The following STRN variants were observed in gnomAD, a reference collection of about 807,000 sequenced individuals.
STRN encodes protein phosphatase 2 regulatory subunit B'''alpha.
In STRN, 53 loss-of-function variants were observed where a neutral mutation model predicts 96.3. That is an observed-to-expected ratio of 0.55 (90% confidence interval 0.44 to 0.69). STRN has a LOEUF of 0.69. Among genes scored for constraint, STRN ranks in the 30% least tolerant of loss-of-function variants. The probability of loss-of-function intolerance (pLI) is 0.00; values close to 1 mark genes in which losing one functional copy is unlikely to be tolerated. For missense variants in STRN, 987 were observed against 963.9 expected, an observed-to-expected ratio of 1.02 and a Z score of -0.32; for synonymous variants, 428 against 355.9, an observed-to-expected ratio of 1.20 and a Z score of -2.28.
At chr2:36,850,859 G>C (rs1410790943) in intron 16 of STRN, 141 bp downstream of exon 16, 8 of 575,566 alleles carry the variant, frequency 1.4e-5, no homozygotes, top group African/African-American at 7.6e-5. Context: ...AGAGTGAAGA[G>C]AAACTGAGAC....
rs1296302523 is a variant in STRN, at chr2:36,847,933, G to GT, written c.*1522dup. 3 of 152,138 alleles carry GT rather than the reference G, an allele frequency of 2.0e-5. No individual in the cohort carries two copies. The highest frequency in any genetic ancestry group is 7.2e-5 in the African/African-American group (3 of 41,444). 9.4% of individuals were successfully genotyped at this position (152,138 alleles called of 1,614,324 possible). On this transcript the variant is annotated 3_prime_UTR_variant, in exon 18 of 18. Coordinates refer to ENST00000263918, the MANE Select transcript of STRN (RefSeq NM_003162.4). ...TTAAAATCTAAGAGCCTATTTATAT[G>GT]TTTTTTGGTGGAAAGTTGGACGTTA...
At chr2:36,873,669 G>A (rs1668823422) in intron 10 of STRN, among the ~76,000 whole-genome samples, 1 of 152,114 alleles carries the variant, frequency 6.6e-6, no homozygotes, top group African/African-American at 2.4e-5. Flanking sequence ...ATTCGGCCAG[G>A]CGCGGTGGCT....
In STRN at chr2:36,869,626, G is replaced by T; in HGVS notation, c.1427C>A (p.Pro476His). The change falls in exon 11 of 18, where the codon CCT becomes CAT. Residue 476 changes from proline to histidine, a missense_variant. Pro to His is a moderately conservative substitution (Grantham distance 77, BLOSUM62 -2). Transcript: ENST00000263918. The stretch of plus-strand genomic sequence containing the variant: ...ATCCTCTGATGCTGTTATCAAAACA[G>T]GCTCAATGGGATGGAAAGCAAGGGC... ...IRALAFHPIE[P>H]VLITASEDHT... 2.5e-6 allele frequency: 4 copies of T among 1,612,564 alleles called. No homozygotes were observed. The highest frequency in any genetic ancestry group is 2.5e-6 in the Non-Finnish European group (3 of 1,179,270).
intron 1 of STRN, among the ~76,000 whole-genome samples, chr2:36,937,267 C>T (rs1223563915): frequency 3.4e-5 from 5 of 149,200 alleles, no homozygotes; most frequent in Non-Finnish European, 5.9e-5. Flanking sequence ...TCGCATGAAC[C>T]GGGGAGGTGG....
intron 1 of STRN, among the ~76,000 whole-genome samples, chr2:36,957,352 C>T (rs761834252): frequency 8.3e-4 from 127 of 152,246 alleles, no homozygotes; most frequent in Non-Finnish European, 3.1e-4. Flanking sequence ...CTTTGGGAGG[C>T]GGAGGCGGGC....
intron 1 of STRN, among the ~76,000 whole-genome samples, chr2:36,954,260 C>T (rs1161361512): frequency 2.0e-5 from 3 of 151,974 alleles, no homozygotes; most frequent in African/African-American, 4.8e-5. Flanking sequence ...CCTATAATCC[C>T]AGCACTGTGG....
intron 1 of STRN, among the ~76,000 whole-genome samples, chr2:36,932,138 C>T (rs1457761686): frequency 1.3e-5 from 2 of 151,692 alleles, no homozygotes; most frequent in Admixed American, 6.6e-5. Context: ...GTATTCTAAT[C>T]TGGTATTTAT....
intron 10 of STRN, among the ~76,000 whole-genome samples, chr2:36,877,656 C>A (rs1022942583): frequency 3.3e-5 from 5 of 151,276 alleles, no homozygotes; most frequent in Non-Finnish European, 5.9e-5. Context: ...CTGCCATAGC[C>A]CCCCTAGTAG....
chr2:36,918,782 A>G (rs139880124), intron 2 of STRN, among the ~76,000 whole-genome samples: 2 of 152,298 alleles, frequency 1.3e-5, no homozygotes, highest in African/African-American at 2.4e-5. Context: ...TTTTAAGTCA[A>G]TATGTGAAAA....
At chr2:36,953,647 C>T (rs963514381) in intron 1 of STRN, among the ~76,000 whole-genome samples, 62 of 152,138 alleles carry the variant, frequency 4.1e-4, no homozygotes, top group African/African-American at 1.4e-3. Context: ...CATGATCCAA[C>T]CACCTCGGCC....
intron 4 of STRN, among the ~76,000 whole-genome samples, chr2:36,904,688 C>A (rs1669772511): frequency 6.6e-6 from 1 of 152,060 alleles, no homozygotes; most frequent in Non-Finnish European, 1.5e-5. Context: ...ATGAGACAGG[C>A]ATAGAGGCAC....
chr2:36,943,689 A>G (rs879691723), intron 1 of STRN, among the ~76,000 whole-genome samples: 1 of 152,148 alleles, frequency 6.6e-6, no homozygotes, highest in Non-Finnish European at 1.5e-5. Context: ...CTGTAGTCCC[A>G]GCTACTGGGG....
At position 36,957,748 on chromosome 2, in the gene STRN, T is replaced by TTG. The variant is rs1553407231; in HGVS notation, c.234+8481_234+8482insCA. Among the ~76,000 whole-genome samples the TTG allele has an allele frequency of 3.3e-3, 247 of 75,864 alleles. 7 individuals are homozygous for TTG. Among genetic ancestry groups the TTG allele is most frequent in the Middle Eastern group, 0.023 (5 of 222 alleles). 49.8% of individuals were successfully genotyped at this position (75,864 alleles called of 152,430 possible). ...TCTCATAGTTCTTCTTTTTGTCTTT[T>TTG]TTTTTTTTTTTTTTTTTTTTTTTTG... On this transcript the variant is annotated intron_variant, in intron 1 of 17. Transcript: ENST00000263918.
At position 36,957,742 on chromosome 2, in the gene STRN, G is replaced by GTTTTTTTTTTTTT. The variant is rs1158709835; in HGVS notation, c.234+8487_234+8488insAAAAAAAAAAAAA. 2.2e-4 allele frequency among the ~76,000 whole-genome samples: 23 copies of GTTTTTTTTTTTTT among 103,080 alleles called. 2 individuals carry two copies. The highest frequency in any genetic ancestry group is 3.5e-4 in the African/African-American group (10 of 28,182). 67.6% of individuals were successfully genotyped at this position (103,080 alleles called of 152,430 possible). On this transcript the variant is annotated intron_variant, in intron 1 of 17. Coordinates refer to ENST00000263918, the MANE Select transcript of STRN (RefSeq NM_003162.4). ...GATTAGTCTCATAGTTCTTCTTTTT[G>GTTTTTTTTTTTTT]TCTTTTTTTTTTTTTTTTTTTTTTT...
rs576858194 is a variant in STRN at position 36,841,612 on chromosome 2, T to C, written c.*7844A>G. The C allele has an allele frequency of 6.6e-6, 1 of 152,358 alleles. No individual in the cohort carries two copies. Among genetic ancestry groups the C allele is most frequent in the South Asian group, 2.1e-4 (1 of 4,830 alleles). The allele number at this position is 152,358 out of a possible 1,614,324, so 9.4% of individuals were successfully genotyped here. A position where few individuals can be genotyped will look rare whatever the true frequency, so the allele number is the denominator to read the frequency against. On this transcript the variant is annotated 3_prime_UTR_variant, in exon 18 of 18. Transcript: ENST00000263918. The stretch of plus-strand genomic sequence containing the variant: ...ACTCACTCTGTAAAAACGATTCTCA[T>C]ATTTTTTCATGAGATTATCACTTGG...
chr2:36,866,913 G>C (rs902894080), intron 12 of STRN, among the ~76,000 whole-genome samples: 6 of 152,124 alleles, frequency 3.9e-5, no homozygotes, highest in African/African-American at 1.4e-4. Context: ...GAGCCTATGG[G>C]TGTTACTGCA....
intron 10 of STRN, among the ~76,000 whole-genome samples, chr2:36,871,137 A>G (rs1240544861): frequency 6.6e-6 from 1 of 152,206 alleles, no homozygotes; most frequent in African/African-American, 2.4e-5. Flanking sequence ...TATAGTAAGC[A>G]AAGTCTAATT....
At chr2:36,853,357 G>C (rs770928635) in intron 15 of STRN, among the ~76,000 whole-genome samples, 11 of 152,150 alleles carry the variant, frequency 7.2e-5, no homozygotes, top group Non-Finnish European at 1.6e-4. Context: ...AACAAAAAAA[G>C]AAATACTTTA....
At chr2:36,933,853 T>A (rs1670635197) in intron 1 of STRN, among the ~76,000 whole-genome samples, 6 of 152,176 alleles carry the variant, frequency 3.9e-5, no homozygotes, top group Admixed American at 3.9e-4. Flanking sequence ...CTTAACCTTG[T>A]AACCCCTGCA....
Sources: allele counts gnomAD v4.1 joint callset (sites outside exome capture counted in the v4.1 genomes callset), GRCh38; gene constraint gnomAD v4.1.1; transcripts MANE v1.5; gene names NCBI Gene and HGNC (gene_info 2026-07-23, HGNC 2026-07-21).